Variants in PXDN observed in about 807,000 individuals in gnomAD.
The protein encoded by PXDN is peroxidasin, also known as peroxidasin homolog.
In PXDN, 77 loss-of-function variants were observed where a neutral mutation model predicts 140.3. That is an observed-to-expected ratio of 0.55 (90% CI 0.46 to 0.66). The LOEUF is 0.66. PXDN is among the 30% of genes least tolerant of loss of function. The pLI, the probability that PXDN is intolerant of heterozygous loss-of-function variation, is 0.00. For missense variants in PXDN, 1,838 were observed against 2,039.5 expected, an observed-to-expected ratio of 0.90 and a Z score of 1.90; for synonymous variants, 911 against 857.4, an observed-to-expected ratio of 1.06 and a Z score of -1.09.
intron 3 of PXDN, among the ~76,000 whole-genome samples, chr2:1,691,256 C>T (rs1400645886): frequency 2.0e-5 from 3 of 152,338 alleles, no homozygotes; most frequent in East Asian, 1.9e-4. Context: ...ACACGACACA[C>T]ACTTCGTCAC....
At chr2:1,666,740 C>T (rs188110040) in intron 9 of PXDN, among the ~76,000 whole-genome samples, 8 of 152,236 alleles carry the variant, frequency 5.3e-5, no homozygotes, top group African/African-American at 1.9e-4. Context: ...AATTAGGAAG[C>T]GCTTTTTCTT....
chr2:1,660,758 A>G lies in PXDN; in HGVS notation c.1837+123T>C, dbSNP rs1037851682. ...GGAGAGTGTCCCCACCTGGGAATCA[A>G]GGGTGCTTTGTCTTCTGAATAATTC... On this transcript the variant is annotated intron_variant, in intron 14 of 22. Coordinates refer to ENST00000252804, the MANE Select transcript of PXDN (RefSeq NM_012293.3). The surrounding 1 kb of genome is among the most constrained non-coding windows in gnomAD (Gnocchi z 4.6). 7.8e-7 allele frequency: 1 copy of G among 1,283,572 alleles called. No homozygotes were observed. The highest frequency in any genetic ancestry group is 2.8e-4 in the Middle Eastern group (1 of 3,524). 79.5% of individuals were successfully genotyped at this position (1,283,572 alleles called of 1,614,324 possible).
intron 1 of PXDN, among the ~76,000 whole-genome samples, chr2:1,734,167 A>T (rs1169788857): frequency 2.0e-5 from 3 of 152,242 alleles, no homozygotes; most frequent in African/African-American, 7.2e-5. Context: ...AGATCACTGA[A>T]ATAAGTTAAA....
chr2:1,680,459 G>A, intron 6 of PXDN, 97 bp from the exon 7 acceptor site: 3 of 1,453,194 alleles, frequency 2.1e-6, no homozygotes, highest in Non-Finnish European at 2.9e-6. Context: ...CGGGAAACAT[G>A]TGCCAGGCCT....
At chr2:1,720,581 G>C (rs1006378469) in intron 1 of PXDN, among the ~76,000 whole-genome samples, 5 of 138,482 alleles carry the variant, frequency 3.6e-5, no homozygotes, top group African/African-American at 1.3e-4. Context: ...AGCCTGGGGA[G>C]GCAGCCGACC....
At chr2:1,675,499 G>C (rs1270107389) in intron 8 of PXDN, among the ~76,000 whole-genome samples, 1 of 152,198 alleles carries the variant, frequency 6.6e-6, no homozygotes. Context: ...AGCCATCCAA[G>C]ACAAAAGCTG....
At chr2:1,744,522 C>T, upstream of PXDN, 1 of 1,275,950 alleles carries the variant, frequency 7.8e-7, no homozygotes, top group South Asian at 2.3e-5. Context: ...CTGCGCCCGC[C>T]CGGCCGCGGC....
At chr2:1,722,503 T>C (rs4496354) in intron 1 of PXDN, among the ~76,000 whole-genome samples, 96,409 of 152,148 alleles carry the variant, frequency 0.63, 32,671 homozygotes, top group South Asian at 0.79. Context: ...ACCCAAATCA[T>C]TTTCTTTGGA....
At position 1,666,425 on chromosome 2, in the gene PXDN, C is replaced by T. The variant is rs1475257989; in HGVS notation, c.1080G>A (p.Thr360=). 3.1e-6 allele frequency: 5 copies of T among 1,613,386 alleles called. No homozygotes were observed. The highest frequency in any genetic ancestry group is 2.2e-5 in the South Asian group (2 of 90,966). Residue 360 remains threonine, a synonymous_variant, in exon 10 of 23, where the codon ACG becomes ACA. Transcript: ENST00000252804. ...NTEVLVGESV[T]LECSATGHPP... is the part of the protein sequence containing the mutation. ...GGTGGCCTGTGGCGCTGCACTCCAG[C>T]GTGACGCTCTCCCCAACCAGCACCT...
chr2:1,661,151 C>T, intron 13 of PXDN, 114 bp from the exon 14 acceptor site: 1 of 1,265,890 alleles, frequency 7.9e-7, no homozygotes, highest in South Asian at 1.4e-5. Flanking sequence ...TGGAGAAGCT[C>T]CCAGGCTGCG....
At chr2:1,676,666 G>T (rs1419037327) in intron 8 of PXDN, 2 of 515,376 alleles carry the variant, frequency 3.9e-6, no homozygotes, top group Non-Finnish European at 7.0e-6. Context: ...GGGAAGGGCC[G>T]CAGTGACGCG....
At position 1,638,829 on chromosome 2, in the gene PXDN, G is replaced by A. The variant is rs1216906761; in HGVS notation, c.4206+17C>T. The A allele has an allele frequency of 6.2e-7, 1 of 1,613,770 alleles. No individual in the cohort carries two copies. The highest frequency in any genetic ancestry group is 1.1e-5 in the South Asian group (1 of 91,084). On this transcript the variant is annotated intron_variant, in intron 21 of 22. Transcript: ENST00000252804. ...GGAATCTTGGAGTGGGGGGACACAG[G>A]CCGCCAGGCACCTCACCTGTGTTCT... is the stretch of plus-strand genomic sequence containing the variant.
chr2:1,705,905 C>T (rs1434051040), intron 1 of PXDN, among the ~76,000 whole-genome samples: 1 of 152,114 alleles, frequency 6.6e-6, no homozygotes, highest in Non-Finnish European at 1.5e-5. Flanking sequence ...GAGTTTCCCG[C>T]GTGGAGTGTG....
Position 1,685,015 on chromosome 2 carries a change from G to A in PXDN, c.417-864C>T, listed in dbSNP as rs1684016353. Reference sequence around the variant, plus strand: ...AAGAAGCAGCATGCCAGCGTTCACAGGTCTTCATAACTCCACAGAAAGGAG... The same window carrying A: ...AAGAAGCAGCATGCCAGCGTTCACAAGTCTTCATAACTCCACAGAAAGGAG... On this transcript the variant is annotated intron_variant, in intron 4 of 22. Coordinates refer to ENST00000252804, the MANE Select transcript of PXDN (RefSeq NM_012293.3). This position sits in a 1 kb window ranked among gnomAD's most constrained non-coding sequence, Gnocchi z 5.1. 6.6e-6 allele frequency among the ~76,000 whole-genome samples: 1 copy of A among 152,212 alleles called. No individual in the cohort carries two copies. The highest frequency in any genetic ancestry group is 1.5e-5 in the Non-Finnish European group (1 of 68,036).
Position 1,634,060 on chromosome 2 carries a change from C to G in PXDN, c.*144G>C. 7 of 1,323,926 alleles carry G rather than the reference C, an allele frequency of 5.3e-6. No individual in the cohort carries two copies. Among genetic ancestry groups the G allele is most frequent in the Non-Finnish European group, 7.1e-6 (7 of 979,972 alleles). The allele number at this position is 1,323,926 out of a possible 1,614,324, so 82.0% of individuals were successfully genotyped here. ...TCTGGTTGGAAGCCTCCTGCACTGC[C>G]TTCTGTAACAGCACCAGCTGGACGT... On this transcript the variant is annotated 3_prime_UTR_variant, in exon 23 of 23. Coordinates refer to ENST00000252804, the MANE Select transcript of PXDN (RefSeq NM_012293.3).
At chr2:1,723,972 T>C (rs182096014) in intron 1 of PXDN, among the ~76,000 whole-genome samples, 2 of 152,366 alleles carry the variant, frequency 1.3e-5, no homozygotes, top group African/African-American at 4.8e-5. Context: ...AAATATTTGC[T>C]TCATGCCAGG....
At position 1,728,138 on chromosome 2, in the gene PXDN, A is replaced by C. The variant is rs1270530328; in HGVS notation, c.200+16118T>G. ...ATTTTTTGTAGAGACGGGTCTCGCCATTTTGCCCAGGCTGGTCTCTAAATC... is the reference window on the plus strand; with the variant it reads ...ATTTTTTGTAGAGACGGGTCTCGCCCTTTTGCCCAGGCTGGTCTCTAAATC... On this transcript the variant is annotated intron_variant, in intron 1 of 22. Coordinates refer to ENST00000252804, the MANE Select transcript of PXDN (RefSeq NM_012293.3). 2.6e-5 allele frequency among the ~76,000 whole-genome samples: 4 copies of C among 152,260 alleles called. No individual in the cohort carries two copies. In the East Asian group the frequency reaches 7.8e-4, roughly 30 times the overall value.
intron 19 of PXDN, 71 bp downstream of exon 19, chr2:1,643,297 T>C: frequency 6.8e-7 from 1 of 1,460,226 alleles, no homozygotes; most frequent in Non-Finnish European, 9.5e-7. Flanking sequence ...CTGCAGGTCA[T>C]TAAGCACCCG....
intron 1 of PXDN, among the ~76,000 whole-genome samples, chr2:1,709,878 C>T (rs1684712272): frequency 6.6e-6 from 1 of 152,192 alleles, no homozygotes; most frequent in Non-Finnish European, 1.5e-5. Flanking sequence ...CACCAGAACC[C>T]AACTCTGCTG....
Sources: allele counts gnomAD v4.1 joint callset (sites outside exome capture counted in the v4.1 genomes callset), GRCh38; gene constraint gnomAD v4.1.1; non-coding constraint Gnocchi (gnomAD v3.1); transcripts MANE v1.5; gene names NCBI Gene and HGNC (gene_info 2026-07-23, HGNC 2026-07-21).